The following PLCE1 variants were observed in gnomAD, a reference collection of about 807,000 sequenced individuals.
PLCE1 encodes the protein phospholipase C epsilon 1, also known as 1-phosphatidylinositol 4,5-bisphosphate phosphodiesterase epsilon-1.
A neutral mutation model predicts 242.8 loss-of-function variants in PLCE1; 119 were observed. That is an observed-to-expected ratio of 0.49 (90% CI 0.42 to 0.57). PLCE1 has a LOEUF of 0.57. Among genes scored for constraint, PLCE1 ranks in the 20% least tolerant of loss-of-function variants. The pLI is 0.00. For missense variants in PLCE1, 2,441 were observed against 2,788.8 expected (o/e 0.88, Z 2.81); for synonymous variants, 945 against 1,017.4 (o/e 0.93, Z 1.35).
At chr10:94,317,217 T>C (rs1246669045) in intron 29 of PLCE1, among the ~76,000 whole-genome samples, 1 of 152,164 alleles carries the variant, frequency 6.6e-6, no homozygotes, top group Non-Finnish European at 1.5e-5. Flanking sequence ...ATCGTGCCAT[T>C]GTGCTCTGGC....
At chr10:94,152,328 G>T (rs190044485) in intron 3 of PLCE1, among the ~76,000 whole-genome samples, 20 of 152,122 alleles carry the variant, frequency 1.3e-4, no homozygotes, top group African/African-American at 4.3e-4. Flanking sequence ...TAGATACATC[G>T]CATAGGTGGA....
At chr10:94,294,286 GTTAC>G (rs2052735514) in intron 23 of PLCE1, among the ~76,000 whole-genome samples, 1 of 151,966 alleles carries the variant, frequency 6.6e-6, no homozygotes, top group South Asian at 2.1e-4. Context: ...TTTATTTCTA[GTTAC>G]TTTTTATTAT....
intron 1 of PLCE1, among the ~76,000 whole-genome samples, chr10:94,014,673 T>A (rs1376418122): frequency 6.6e-6 from 1 of 152,194 alleles, no homozygotes; most frequent in East Asian, 1.9e-4. Flanking sequence ...CCCCGATGGA[T>A]CATGGGTAAT....
At chr10:94,146,726 C>T (rs1251140869) in intron 3 of PLCE1, among the ~76,000 whole-genome samples, 7 of 152,218 alleles carry the variant, frequency 4.6e-5, no homozygotes, top group East Asian at 1.9e-4. Flanking sequence ...TGTCTTCTTT[C>T]GGCTGCCTAG....
chr10:94,065,976 G>C (rs190041802), intron 2 of PLCE1, among the ~76,000 whole-genome samples: 1 of 152,244 alleles, frequency 6.6e-6, no homozygotes, highest in African/African-American at 2.4e-5. Flanking sequence ...AGATAAGTCT[G>C]TGTTTGCTTT....
At chr10:94,164,116 G>A (rs1410880356) in intron 3 of PLCE1, among the ~76,000 whole-genome samples, 1 of 152,074 alleles carries the variant, frequency 6.6e-6, no homozygotes, top group Admixed American at 6.6e-5. Context: ...TGGTGAATCT[G>A]ACCATTATGT....
chr10:94,084,581 T>G (rs1280450845), intron 2 of PLCE1, among the ~76,000 whole-genome samples: 2 of 152,242 alleles, frequency 1.3e-5, no homozygotes, highest in African/African-American at 2.4e-5. Context: ...CTTGTAAGTC[T>G]GGGCCATTGG....
chr10:94,241,683 A>G (rs1193264908), intron 7 of PLCE1, among the ~76,000 whole-genome samples: 1 of 151,126 alleles, frequency 6.6e-6, no homozygotes, highest in Non-Finnish European at 1.5e-5. Context: ...CCAACTACTC[A>G]GGAGGCTGAG....
intron 2 of PLCE1, among the ~76,000 whole-genome samples, chr10:94,085,966 C>T (rs1025507498): frequency 6.6e-6 from 1 of 152,168 alleles, no homozygotes; most frequent in African/African-American, 2.4e-5. Context: ...TTTGCATGTT[C>T]AAAATATCTC....
In PLCE1 at chr10:94,031,515, G is replaced by A. The variant is rs2061556622; in HGVS notation, c.469G>A (p.Asp157Asn). ...GTTCCCTGGAATTCAACTGGAACTAGACAGACCTTCCATGGGCATTAGTCC... is the reference window on the plus strand; with the variant it reads ...GTTCCCTGGAATTCAACTGGAACTAAACAGACCTTCCATGGGCATTAGTCC... ...KVFPGIQLEL[D>N]RPSMGISPLG... The change falls in exon 2 of 33, where the codon GAC (aspartate) becomes AAC (asparagine). Residue 157 changes from aspartate (D) to asparagine (N), a missense_variant. Coordinates refer to ENST00000371380, the MANE Select transcript of PLCE1 (RefSeq NM_016341.4). 1 of 1,612,554 alleles carries A rather than the reference G, an allele frequency of 6.2e-7. No homozygotes were observed. Among genetic ancestry groups the A allele is most frequent in the African/African-American group, 1.3e-5 (1 of 74,904 alleles).
At position 94,273,579 on chromosome 10, in the gene PLCE1, G is replaced by T; in HGVS notation, c.4524G>T (p.Lys1508Asn). The change falls in exon 19 of 33, where the codon AAG (lysine) becomes AAT (asparagine). Residue 1508 changes from lysine to asparagine, a missense_variant. Lys to Asn is a moderately conservative substitution (Grantham distance 94, BLOSUM62 0). Around this residue, in one of 5 missense-constraint regions of PLCE1, gnomAD observed 1,004 missense variants for 1,322.7 expected, o/e 0.76. Coordinates refer to ENST00000371380, the MANE Select transcript of PLCE1 (RefSeq NM_016341.4). Reference sequence around the variant, plus strand: ...CTTTTTAGACTGTGTTTGGAGAAAAGCTGGTGACTAAATTCTTATTTGAGA... The same window carrying T: ...CTTTTTAGACTGTGTTTGGAGAAAATCTGGTGACTAAATTCTTATTTGAGA... Reference protein sequence around the residue: ...AEIFKTVFGEKLVTKFLFETD... With the variant: ...AEIFKTVFGENLVTKFLFETD... 1 of 1,613,856 alleles carries T rather than the reference G, an allele frequency of 6.2e-7. No individual in the cohort carries two copies. Among genetic ancestry groups the T allele is most frequent in the Non-Finnish European group, 8.5e-7 (1 of 1,179,822 alleles).
intron 5 of PLCE1, among the ~76,000 whole-genome samples, chr10:94,231,812 G>A (rs1408104680): frequency 1.3e-5 from 2 of 152,084 alleles, no homozygotes; most frequent in Admixed American, 6.6e-5. Flanking sequence ...TAGGGTTTGC[G>A]CTGCTATGAG....
At chr10:94,279,034 C>T (rs2052083086) in intron 19 of PLCE1, among the ~76,000 whole-genome samples, 1 of 152,018 alleles carries the variant, frequency 6.6e-6, no homozygotes, top group Admixed American at 6.6e-5. Flanking sequence ...AGCAGACAAC[C>T]ATTGCTTACT....
chr10:94,158,493 G>A (rs924994998), intron 3 of PLCE1, among the ~76,000 whole-genome samples: 1 of 152,098 alleles, frequency 6.6e-6, no homozygotes, highest in African/African-American at 2.4e-5. Flanking sequence ...GAACAGATGA[G>A]AAAATGCTGC....
intron 29 of PLCE1, among the ~76,000 whole-genome samples, chr10:94,319,249 T>C (rs922795889): frequency 6.6e-6 from 1 of 152,128 alleles, no homozygotes; most frequent in Non-Finnish European, 1.5e-5. Context: ...CTGAAATATA[T>C]CTCAAAAGAT....
chr10:94,008,429 C>T (rs910604537), intron 1 of PLCE1, among the ~76,000 whole-genome samples: 1 of 152,090 alleles, frequency 6.6e-6, no homozygotes, highest in African/African-American at 2.4e-5. Context: ...CTGCCTTAGC[C>T]TCCTGAGTAA....
chr10:94,008,872 A>T (rs2061106087), intron 1 of PLCE1, among the ~76,000 whole-genome samples: 1 of 151,998 alleles, frequency 6.6e-6, no homozygotes, highest in Non-Finnish European at 1.5e-5. Context: ...CATTTTGGGG[A>T]CTCAGAAGTA....
intron 23 of PLCE1, among the ~76,000 whole-genome samples, chr10:94,297,636 T>G (rs2052886589): frequency 8.9e-6 from 1 of 111,970 alleles, no homozygotes; most frequent in African/African-American, 3.2e-5. Context: ...AAGTGCAGTA[T>G]CTGCAAAGTG....
Position 94,254,958 on chromosome 10 carries a change from G to A in PLCE1, c.3463G>A (p.Ala1155Thr), listed in dbSNP as rs371294665. Residue 1155 changes from alanine (A) to threonine (T), a missense_variant, in exon 11 of 33, where the codon GCT (alanine) becomes ACT (threonine). By Grantham distance (58) the Ala-to-Thr change is moderately conservative (BLOSUM62 0). Around this residue, in one of 5 missense-constraint regions of PLCE1, gnomAD observed 1,004 missense variants for 1,322.7 expected, o/e 0.76. Transcript: ENST00000371380. ...PSRRAHSLTT[A>T]GSPNLAAGTS... ...CAGAAGAGCCCACTCTTTGACCACA[G>A]CTGGGTCCCCCAACTTGGCTGCCGG... The A allele has an allele frequency of 5.6e-6, 9 of 1,614,048 alleles. No individual in the cohort carries two copies. Among genetic ancestry groups the A allele is most frequent in the Non-Finnish European group, 7.6e-6 (9 of 1,179,968 alleles).
Sources: gnomAD v4.1 joint callset for allele counts (sites outside exome capture counted in the v4.1 genomes callset) on GRCh38, gnomAD v4.1.1 for gene constraint, gnomAD v4.1.1 regional missense constraint, MANE v1.5 for transcripts, NCBI Gene and HGNC (gene_info 2026-07-23, HGNC 2026-07-21) for gene names.